The following VRK2 variants were observed in gnomAD, a reference collection of about 807,000 sequenced individuals.
VRK2 encodes the protein VRK serine/threonine kinase 2, also known as serine/threonine-protein kinase VRK2.
A neutral mutation model predicts 57.6 loss-of-function variants in VRK2; 60 were observed. That is an observed-to-expected ratio of 1.04 (90% CI 0.85 to 1.29). VRK2 has a LOEUF of 1.29. Ranked by LOEUF, VRK2 falls within the 50% of genes most tolerant of loss-of-function variation. VRK2 has a pLI of 0.00. For synonymous variants in VRK2, 231 were observed against 199.2 expected, an observed-to-expected ratio of 1.16 and a Z score of -1.35; for missense variants, 705 against 588.1, an observed-to-expected ratio of 1.20 and a Z score of -2.06.
intron 1 of VRK2, among the ~76,000 whole-genome samples, chr2:57,973,950 C>T (rs1018849859): frequency 6.6e-6 from 1 of 151,688 alleles, no homozygotes; most frequent in Non-Finnish European, 1.5e-5. Flanking sequence ...ACACCTGAAA[C>T]TGTAAGATGA....
At chr2:58,089,412 T>G (rs368421159) in intron 6 of VRK2, among the ~76,000 whole-genome samples, 1 of 152,198 alleles carries the variant, frequency 6.6e-6, no homozygotes. Flanking sequence ...CCTTTGGAAC[T>G]TCAACTAAAA....
chr2:58,133,166 CA>C (rs1679464488), intron 9 of VRK2, among the ~76,000 whole-genome samples: 1 of 151,906 alleles, frequency 6.6e-6, no homozygotes, highest in African/African-American at 2.4e-5. Context: ...AACTTTTTAT[CA>C]ATATGCATAT....
chr2:57,963,857 C>G (rs901888946), intron 1 of VRK2, among the ~76,000 whole-genome samples: 2 of 152,128 alleles, frequency 1.3e-5, no homozygotes, highest in African/African-American at 4.8e-5. Context: ...TTTTTATGAT[C>G]AAATTGGATA....
At chr2:58,077,211 G>T (rs976718239) in intron 2 of VRK2, among the ~76,000 whole-genome samples, 2 of 151,344 alleles carry the variant, frequency 1.3e-5, no homozygotes, top group Non-Finnish European at 2.9e-5. Context: ...TTTCTTTATA[G>T]GCTTTAAATA....
intron 1 of VRK2, among the ~76,000 whole-genome samples, chr2:57,958,390 TA>T (rs1671648761): frequency 6.6e-6 from 1 of 151,670 alleles, no homozygotes; most frequent in Non-Finnish European, 1.5e-5. Flanking sequence ...ACCACACAGT[TA>T]TATGTATATA....
intron 1 of VRK2, among the ~76,000 whole-genome samples, chr2:57,976,074 T>C (rs1023721169): frequency 5.9e-5 from 9 of 152,122 alleles, no homozygotes; most frequent in African/African-American, 1.9e-4. Context: ...GCTGCATTCA[T>C]ATTGCTGCAA....
At chr2:57,963,453 T>C (rs529879210) in intron 1 of VRK2, among the ~76,000 whole-genome samples, 1 of 152,358 alleles carries the variant, frequency 6.6e-6, no homozygotes, top group South Asian at 2.1e-4. Flanking sequence ...AATGACCTCA[T>C]ATTTTAGCAT....
intron 2 of VRK2, among the ~76,000 whole-genome samples, chr2:58,072,608 C>A (rs1050901147): frequency 3.9e-4 from 59 of 151,858 alleles, no homozygotes; most frequent in African/African-American, 1.4e-3. Context: ...TGGAATAAAT[C>A]CCATTAAGTT....
At chr2:58,152,959 G>C (rs564924829) in intron 12 of VRK2, among the ~76,000 whole-genome samples, 2 of 151,978 alleles carry the variant, frequency 1.3e-5, no homozygotes, top group East Asian at 1.9e-4. Context: ...GTGCATGTCT[G>C]TGTTCCTTAG....
chr2:58,014,120 A>C (rs545063257), intron 1 of VRK2, among the ~76,000 whole-genome samples: 1 of 152,260 alleles, frequency 6.6e-6, no homozygotes, highest in African/African-American at 2.4e-5. Context: ...TTGCTAATTG[A>C]TTCATTTTTA....
At chr2:57,936,123 C>G (rs1362966575) in intron 1 of VRK2, among the ~76,000 whole-genome samples, 1 of 152,122 alleles carries the variant, frequency 6.6e-6, no homozygotes, top group East Asian at 1.9e-4. Flanking sequence ...TTATTAAGTT[C>G]TCATTCTAAG....
chr2:58,087,009 C>G (rs912534560), intron 5 of VRK2, among the ~76,000 whole-genome samples: 2 of 152,132 alleles, frequency 1.3e-5, no homozygotes, highest in Non-Finnish European at 2.9e-5. Flanking sequence ...TCAGTTCTAT[C>G]TCTTGAGGAG....
intron 1 of VRK2, among the ~76,000 whole-genome samples, chr2:57,986,395 G>T (rs964849446): frequency 1.3e-5 from 2 of 151,992 alleles, no homozygotes; most frequent in Non-Finnish European, 2.9e-5. Flanking sequence ...ATTCCAGCAA[G>T]ATTTCTTTAT....
rs541374781 is a variant in VRK2, at chr2:58,148,895, T to C, written c.1182+2421T>C. Among the ~76,000 whole-genome samples, 245 of 152,012 alleles carry C rather than the reference T, an allele frequency of 1.6e-3. 2 individuals are homozygous for C. Among genetic ancestry groups the C allele is most frequent in the African/African-American group, 5.7e-3 (237 of 41,552 alleles). On this transcript the variant is annotated intron_variant, in intron 12 of 12. Transcript: ENST00000340157. ...ACCAACACCACACTGCATCAATTAC[T>C]GTCGCTTTACAGCAAGTTCTGAAAT...
intron 7 of VRK2, among the ~76,000 whole-genome samples, chr2:58,122,100 T>C (rs1166369256): frequency 6.6e-6 from 1 of 152,210 alleles, no homozygotes; most frequent in East Asian, 1.9e-4. Flanking sequence ...TGGATTCATA[T>C]GAAAGGTCAA....
At chr2:58,093,293 G>A (rs1672637203) in intron 7 of VRK2, among the ~76,000 whole-genome samples, 1 of 152,262 alleles carries the variant, frequency 6.6e-6, no homozygotes, top group Non-Finnish European at 1.5e-5. Flanking sequence ...GTGTAAAAGT[G>A]TTCCTATTTC....
chr2:57,975,765 T>C (rs1449448064), intron 1 of VRK2, among the ~76,000 whole-genome samples: 2 of 151,998 alleles, frequency 1.3e-5, no homozygotes, highest in Non-Finnish European at 2.9e-5. Context: ...TCTCTTTTTT[T>C]TTTTTACTTT....
chr2:58,122,278 G>C (rs890394406), intron 7 of VRK2, among the ~76,000 whole-genome samples: 1 of 152,070 alleles, frequency 6.6e-6, no homozygotes, highest in African/African-American at 2.4e-5. Flanking sequence ...CCAGGGTTAG[G>C]GGTGCTGACC....
At chr2:57,980,120 G>A (rs1231286539) in intron 1 of VRK2, among the ~76,000 whole-genome samples, 2 of 152,030 alleles carry the variant, frequency 1.3e-5, no homozygotes, top group East Asian at 3.9e-4. Flanking sequence ...CTCTAGATGT[G>A]CTGTTAGATC....
Sources: allele counts gnomAD v4.1 joint callset (sites outside exome capture counted in the v4.1 genomes callset), GRCh38; gene constraint gnomAD v4.1.1; transcripts MANE v1.5; gene names NCBI Gene and HGNC (gene_info 2026-07-23, HGNC 2026-07-21).